CPEB2: variants seen among roughly 807,000 people sequenced by gnomAD.
CPEB2 encodes cytoplasmic polyadenylation element binding protein 2.
A neutral mutation model predicts 93.6 loss-of-function variants in CPEB2; 56 were observed. The observed-to-expected ratio is 0.60, with a 90% CI of 0.48 to 0.75. The LOEUF (loss-of-function observed/expected upper bound fraction) is 0.75. Among genes scored for constraint, CPEB2 ranks in the 30% least tolerant of loss-of-function variants. The pLI, the probability that CPEB2 is intolerant of heterozygous loss-of-function variation, is 0.00. For synonymous variants in CPEB2, 764 were observed against 586.3 expected (o/e 1.30, Z -4.38); for missense variants, 1,579 against 1,395.1 (o/e 1.13, Z -2.10).
intron 4 of CPEB2, among the ~76,000 whole-genome samples, chr4:15,029,644 A>C (rs1725867575): frequency 6.6e-6 from 1 of 152,112 alleles, no homozygotes; most frequent in Non-Finnish European, 1.5e-5. Flanking sequence ...TAGGTTCATT[A>C]GGGACAACAG....
chr4:15,063,349 T>C (rs1380952029), intron 11 of CPEB2, among the ~76,000 whole-genome samples: 1 of 147,358 alleles, frequency 6.8e-6, no homozygotes, highest in Admixed American at 6.6e-5. Context: ...TTTGTTTGCA[T>C]TGCTACTTAA....
intron 10 of CPEB2, among the ~76,000 whole-genome samples, chr4:15,061,327 A>G (rs556938814): frequency 6.6e-6 from 1 of 152,262 alleles, no homozygotes; most frequent in East Asian, 1.9e-4. Context: ...TAAGGCGTTT[A>G]GGATGAACTA....
At chr4:15,041,953 T>TA (rs1295324130) in intron 6 of CPEB2, among the ~76,000 whole-genome samples, 12 of 152,204 alleles carry the variant, frequency 7.9e-5, no homozygotes, top group African/African-American at 2.9e-4. Context: ...ACTCAAGACT[T>TA]AAAAAATTGA....
intron 4 of CPEB2, among the ~76,000 whole-genome samples, chr4:15,018,776 T>C (rs554997034): frequency 1.6e-3 from 240 of 150,440 alleles, no homozygotes; most frequent in African/African-American, 5.1e-3. Context: ...TTTTTTTTTT[T>C]CAAAAGGCTT....
At chr4:15,037,195 C>T (rs367923976) in intron 5 of CPEB2, among the ~76,000 whole-genome samples, 127 of 151,844 alleles carry the variant, frequency 8.4e-4, no homozygotes, top group African/African-American at 2.9e-3. Context: ...CCCAGCTACT[C>T]GGGAGCTGAG....
chr4:15,053,195 T>C (rs1577455601), intron 7 of CPEB2, among the ~76,000 whole-genome samples: 1 of 151,964 alleles, frequency 6.6e-6, no homozygotes, highest in African/African-American at 2.4e-5. Flanking sequence ...TTGTTGTATT[T>C]TTAGGTGAGA....
intron 10 of CPEB2, among the ~76,000 whole-genome samples, chr4:15,060,639 G>A (rs7689589): frequency 2.6e-5 from 4 of 152,100 alleles, no homozygotes; most frequent in Non-Finnish European, 4.4e-5. Context: ...GAAGATTGTG[G>A]TCTTGGTTTT....
Position 15,036,582 on chromosome 4 carries a change from T to C in CPEB2, c.2176+3371T>C, listed in dbSNP as rs576232357. ...GTAAAGAGCAATACAAAATGATGTA[T>C]CATTCAAGTATTTGTATTAATATTT... On this transcript the variant is annotated intron_variant, in intron 5 of 11. Transcript: ENST00000538197. Among the ~76,000 whole-genome samples, 135 of 152,340 alleles carry C rather than the reference T, an allele frequency of 8.9e-4. 2 individuals carry two copies. Among genetic ancestry groups the C allele is most frequent in the African/African-American group, 3.1e-3 (127 of 41,584 alleles).
chr4:15,052,487 T>A lies in CPEB2; in HGVS notation c.2274T>A (p.Asn758Lys). 6.3e-7 allele frequency: 1 copy of A among 1,598,702 alleles called. No individual in the cohort carries two copies. Among genetic ancestry groups the A allele is most frequent in the Non-Finnish European group, 8.5e-7 (1 of 1,170,416 alleles). Reference protein sequence around the residue: ...DGHSDQVGVLNSPTCYSAHQN... With the variant: ...DGHSDQVGVLKSPTCYSAHQN... ...ACAGTGATCAAGTTGGAGTTTTAAA[T>A]TCACCCACCTGTTATTCAGCTCACC... Residue 758 changes from asparagine to lysine, a missense_variant, in exon 7 of 12, where the codon AAT becomes AAA. This residue lies in a region of CPEB2 where 1,411 missense variants were observed against 1,056.0 expected (regional missense o/e 1.34). Coordinates refer to ENST00000538197, the MANE Select transcript of CPEB2 (RefSeq NM_001177382.2).
chr4:15,004,469 A>G, intron 1 of CPEB2, 134 bp downstream of exon 1: 1 of 611,534 alleles, frequency 1.6e-6, no homozygotes, highest in East Asian at 3.5e-5. Flanking sequence ...CGCCCAAGTG[A>G]GAGTGGAACT....
In CPEB2 at chr4:15,002,933, T is replaced by C. The variant is rs1436936102; in HGVS notation, c.260T>C (p.Leu87Pro). 6.6e-6 allele frequency: 10 copies of C among 1,513,192 alleles called. No homozygotes were observed. The highest frequency in any genetic ancestry group is 8.8e-6 in the Non-Finnish European group (10 of 1,140,514). The allele number at this position is 1,513,192 out of a possible 1,614,324, so 93.7% of individuals were successfully genotyped here. A position where few individuals can be genotyped will look rare whatever the true frequency, so the allele number is the denominator to read the frequency against. The change falls in exon 1 of 12, where the codon CTG becomes CCG. Residue 87 changes from leucine to proline, a missense_variant. Leu to Pro is a moderately conservative substitution (Grantham distance 98). Coordinates refer to ENST00000538197, the MANE Select transcript of CPEB2 (RefSeq NM_001177382.2). ...AAAASSSSPF[L>P]AHQQTMQDEL... ...GCCGCTTCCTCTTCCTCCCCGTTCCTGGCGCATCAGCAGACCATGCAGGAT... is the reference window on the plus strand; with the variant it reads ...GCCGCTTCCTCTTCCTCCCCGTTCCCGGCGCATCAGCAGACCATGCAGGAT...
intron 5 of CPEB2, among the ~76,000 whole-genome samples, chr4:15,036,161 G>C (rs1726584127): frequency 6.6e-6 from 1 of 152,024 alleles, no homozygotes; most frequent in Non-Finnish European, 1.5e-5. Context: ...TGTTAACTCA[G>C]ATATATATTT....
intron 9 of CPEB2, among the ~76,000 whole-genome samples, 192 bp from the exon 10 acceptor site, chr4:15,058,995 G>T (rs1258951043): frequency 6.6e-6 from 1 of 152,010 alleles, no homozygotes; most frequent in Non-Finnish European, 1.5e-5. Flanking sequence ...TTGGTCCCTG[G>T]TGCCAAAAAG....
In CPEB2 at chr4:15,008,394, G is replaced by T; in HGVS notation, c.2001G>T (p.Trp667Cys). The T allele has an allele frequency of 6.2e-7, 1 of 1,613,880 alleles. No homozygotes were observed. The highest frequency in any genetic ancestry group is 8.5e-7 in the Non-Finnish European group (1 of 1,179,854). ...AWGSDSLQDS[W>C]CTAAGTSRID... ...GCTCAGATTCACTCCAAGATAGTTG[G>T]TGCACTGCAGCCGGAACATCCAGAA... The change falls in exon 3 of 12, where the codon TGG becomes TGT. Residue 667 changes from tryptophan (W) to cysteine (C), a missense_variant. Physicochemically the swap from Trp to Cys is radical, Grantham distance 215. Coordinates refer to ENST00000538197, the MANE Select transcript of CPEB2 (RefSeq NM_001177382.2).
intron 6 of CPEB2, among the ~76,000 whole-genome samples, chr4:15,041,465 C>G (rs541475848): frequency 6.6e-6 from 1 of 151,498 alleles, no homozygotes. Context: ...TGCAGTGGCG[C>G]GATCTCGGCT....
chr4:15,002,893 G>A lies in CPEB2; in HGVS notation c.220G>A (p.Gly74Ser). ...PFSVPLGGGAGSPAAAASSSS... is the reference protein window; with the variant it reads ...PFSVPLGGGASSPAAAASSSS... ...CTCCGTCCCCCTCGGCGGCGGCGCG[G>A]GCAGCCCGGCCGCCGCCGCTTCCTC... The change falls in exon 1 of 12, where the codon GGC becomes AGC. Residue 74 changes from glycine (G) to serine (S), a missense_variant. This residue lies in a region of CPEB2 where 1,411 missense variants were observed against 1,056.0 expected (regional missense o/e 1.34). Coordinates refer to ENST00000538197, the MANE Select transcript of CPEB2 (RefSeq NM_001177382.2). The A allele has an allele frequency of 1.3e-6, 2 of 1,512,334 alleles. No individual in the cohort carries two copies. The highest frequency in any genetic ancestry group is 1.8e-6 in the Non-Finnish European group (2 of 1,140,654). 93.7% of individuals were successfully genotyped at this position (1,512,334 alleles called of 1,614,324 possible).
chr4:15,003,894 GCCA>G lies in CPEB2; in HGVS notation c.1224_1226del (p.Pro409del). The G allele has an allele frequency of 1.1e-6, 1 of 892,724 alleles. No individual in the cohort carries two copies. Among genetic ancestry groups the G allele is most frequent in the Non-Finnish European group, 1.5e-6 (1 of 681,972 alleles). 55.3% of individuals were successfully genotyped at this position (892,724 alleles called of 1,614,324 possible). ...CGACCCAGCCGCAGCAGCAGCCGCC[GCCA>G]CCCCAGCAGCCGCCCCAGCCGCAGC... On this transcript the variant is annotated inframe_deletion, in exon 1 of 12. Transcript: ENST00000538197.
intron 4 of CPEB2, among the ~76,000 whole-genome samples, chr4:15,032,816 TA>T (rs1726255433): frequency 6.6e-6 from 1 of 152,122 alleles, no homozygotes; most frequent in South Asian, 2.1e-4. Flanking sequence ...TGAAAAAATT[TA>T]AAAATTCACA....
chr4:15,003,433 C>T lies in CPEB2; in HGVS notation c.760C>T (p.Arg254Cys). The stretch of plus-strand genomic sequence containing the variant: ...GCCGCAGGACTTCGCCCCGCGGCAG[C>T]GTCCGGCAGACCTGCCCCCGCTCCC... The part of the protein sequence containing the change: ...LSPQDFAPRQ[R>C]PADLPPLPQL... Residue 254 changes from arginine to cysteine, a missense_variant, in exon 1 of 12, where the codon CGT (arginine) becomes TGT (cysteine). Physicochemically the swap from Arg to Cys is radical, Grantham distance 180. Around this residue, in one of 2 missense-constraint regions of CPEB2, gnomAD observed 1,411 missense variants for 1,056.0 expected, o/e 1.34. Transcript: ENST00000538197. 3 of 1,356,174 alleles carry T rather than the reference C, an allele frequency of 2.2e-6. No individual in the cohort carries two copies. Among genetic ancestry groups the T allele is most frequent in the South Asian group, 1.9e-5 (1 of 53,744 alleles). 84.0% of individuals were successfully genotyped at this position (1,356,174 alleles called of 1,614,324 possible). A position where few individuals can be genotyped will look rare whatever the true frequency, so the allele number is the denominator to read the frequency against.
Sources: allele counts gnomAD v4.1 joint callset (sites outside exome capture counted in the v4.1 genomes callset), GRCh38; gene constraint gnomAD v4.1.1; regional missense constraint gnomAD v4.1.1; transcripts MANE v1.5; gene names NCBI Gene and HGNC (gene_info 2026-07-23, HGNC 2026-07-21).